The following MGAT4C variants were observed in gnomAD, a reference collection of about 807,000 sequenced individuals.
MGAT4C encodes the protein alpha-1,3-mannosyl-glycoprotein 4-beta-N-acetylglucosaminyltransferase C.
In MGAT4C, 19 loss-of-function variants were observed where a neutral mutation model predicts 40.1. The ratio of observed to expected loss-of-function variants is 0.47; its 90% CI spans 0.33 to 0.70. The LOEUF (loss-of-function observed/expected upper bound fraction) is 0.70. Ranked by LOEUF, MGAT4C falls within the 30% of genes least tolerant of loss-of-function variation. The pLI is 0.02. For missense variants in MGAT4C, 491 were observed against 563.2 expected, an observed-to-expected ratio of 0.87 and a Z score of 1.30; for synonymous variants, 181 against 187.1, an observed-to-expected ratio of 0.97 and a Z score of 0.27.
chr12:86,106,697 C>A (rs1352362392), intron 1 of MGAT4C, among the ~76,000 whole-genome samples: 1 of 151,612 alleles, frequency 6.6e-6, no homozygotes, highest in East Asian at 1.9e-4. Context: ...TGCCCTAATC[C>A]TTTAGTTATG....
chr12:86,717,801 A>G (rs1029919786), intron 2 of MGAT4C, among the ~76,000 whole-genome samples: 6 of 152,180 alleles, frequency 3.9e-5, no homozygotes, highest in African/African-American at 1.4e-4. Flanking sequence ...GGTAGCATGA[A>G]TATTTTGATG....
chr12:86,752,137 A>G (rs565917351), intron 1 of MGAT4C, among the ~76,000 whole-genome samples: 2 of 152,156 alleles, frequency 1.3e-5, no homozygotes, highest in East Asian at 3.9e-4. Context: ...TATTTTATAT[A>G]GAAAAGTTAT....
At chr12:86,386,132 G>A (rs1390911529) in intron 3 of MGAT4C, among the ~76,000 whole-genome samples, 3 of 151,914 alleles carry the variant, frequency 2.0e-5, no homozygotes, top group African/African-American at 7.3e-5. Flanking sequence ...GGGTTTCACT[G>A]TGTTAGCCAG....
At chr12:86,453,631 CTT>C (rs2136289184) in intron 2 of MGAT4C, among the ~76,000 whole-genome samples, 1 of 152,234 alleles carries the variant, frequency 6.6e-6, no homozygotes, top group African/African-American at 2.4e-5. Context: ...TATTTACACT[CTT>C]TGGCTTTTGT....
chr12:86,071,704 T>TA lies in MGAT4C; in HGVS notation c.-56-21982_-56-21981insT, dbSNP rs1185132446. On this transcript the variant is annotated intron_variant, in intron 1 of 4. Transcript: ENST00000611864. ...TAAATCATCTAATCATCTCAACAAT[T>TA]GTATGAGTTAGGAATTTTTATTATC... Among the ~76,000 whole-genome samples the TA allele has an allele frequency of 7.2e-5, 11 of 152,244 alleles. No homozygotes were observed. The East Asian group carries it at 1.5e-3, about 21-fold the overall frequency.
chr12:86,641,530 TA>T (rs998407326), intron 2 of MGAT4C, among the ~76,000 whole-genome samples: 1 of 150,988 alleles, frequency 6.6e-6, no homozygotes, highest in African/African-American at 2.4e-5. Flanking sequence ...AATAATAAAA[TA>T]AAAAAATAAA....
At chr12:86,159,689 T>C (rs1218280198) in intron 1 of MGAT4C, among the ~76,000 whole-genome samples, 2 of 152,110 alleles carry the variant, frequency 1.3e-5, no homozygotes, top group Non-Finnish European at 2.9e-5. Context: ...GGTTCTTTAT[T>C]ACTGATTCAG....
At chr12:86,774,001 T>G (rs1951686197) in intron 1 of MGAT4C, among the ~76,000 whole-genome samples, 1 of 125,238 alleles carries the variant, frequency 8.0e-6, no homozygotes, top group Non-Finnish European at 1.6e-5. Context: ...TCACCCAGGC[T>G]GGAATACACT....
chr12:86,795,752 G>C (rs541688396), intron 1 of MGAT4C, among the ~76,000 whole-genome samples: 1 of 152,014 alleles, frequency 6.6e-6, no homozygotes, highest in South Asian at 2.1e-4. Context: ...CCACAAACCT[G>C]TTCCAGGAAT....
intron 2 of MGAT4C, among the ~76,000 whole-genome samples, chr12:86,510,370 T>C (rs913447486): frequency 1.3e-5 from 2 of 152,092 alleles, no homozygotes; most frequent in Non-Finnish European, 2.9e-5. Context: ...AAACCGGTAC[T>C]AGCCACTGCA....
Position 86,225,966 on chromosome 12 carries a change from T to G in MGAT4C, c.-57+30273A>C, listed in dbSNP as rs928271544. Among the ~76,000 whole-genome samples the G allele has an allele frequency of 2.0e-5, 3 of 151,920 alleles. 1 individual carries two copies. The highest frequency in any genetic ancestry group is 7.2e-5 in the African/African-American group (3 of 41,486). ...AAAGCAATCAGGCAAGACAAAGAAA[T>G]AAAAAGCATCCAAATTGGAAAAGAA... On this transcript the variant is annotated intron_variant, in intron 1 of 4. Transcript: ENST00000611864.
chr12:86,147,255 T>G (rs1458837660), intron 1 of MGAT4C, among the ~76,000 whole-genome samples: 1 of 152,184 alleles, frequency 6.6e-6, no homozygotes, highest in Non-Finnish European at 1.5e-5. Flanking sequence ...AATTTTTTTT[T>G]TTTTGAGACG....
intron 2 of MGAT4C, among the ~76,000 whole-genome samples, chr12:86,436,727 T>C (rs1957144973): frequency 6.6e-6 from 1 of 151,752 alleles, no homozygotes; most frequent in East Asian, 1.9e-4. Flanking sequence ...TAAAAGAGGT[T>C]TGTGTGATTT....
At chr12:86,169,632 A>G (rs1886586505) in intron 1 of MGAT4C, among the ~76,000 whole-genome samples, 3 of 152,242 alleles carry the variant, frequency 2.0e-5, no homozygotes, top group African/African-American at 4.8e-5. Context: ...ACTCCCTACA[A>G]CCTAACAGAG....
chr12:86,452,611 T>C (rs1957443920), intron 2 of MGAT4C, among the ~76,000 whole-genome samples: 1 of 152,040 alleles, frequency 6.6e-6, no homozygotes, highest in African/African-American at 2.4e-5. Flanking sequence ...TTATTTTTCT[T>C]CTAGAATATT....
At chr12:86,367,349 T>C (rs1159433643) in intron 3 of MGAT4C, among the ~76,000 whole-genome samples, 1 of 152,004 alleles carries the variant, frequency 6.6e-6, no homozygotes, top group Admixed American at 6.6e-5. Context: ...TCCGCTAAGA[T>C]AGGAAAGCTA....
intron 1 of MGAT4C, among the ~76,000 whole-genome samples, chr12:86,800,722 G>A (rs932322945): frequency 2.0e-5 from 3 of 151,878 alleles, no homozygotes; most frequent in African/African-American, 7.2e-5. Context: ...CATTGTAAGA[G>A]AAAACAAATT....
chr12:86,827,647 C>T lies in MGAT4C; in HGVS notation c.-262+11019G>A, dbSNP rs566659736. Among the ~76,000 whole-genome samples, 18 of 151,370 alleles carry T rather than the reference C, an allele frequency of 1.2e-4. 1 individual carries two copies. In the East Asian group the frequency reaches 3.5e-3, roughly 30 times the overall value. On this transcript the variant is annotated intron_variant, in intron 1 of 7. Coordinates refer to the MGAT4C transcript ENST00000548651. ...AAGAAAAATGCCTTGGAAAGACATGCATTTATCATACTTAAACAAATAGAA... is the reference window on the plus strand; with the variant it reads ...AAGAAAAATGCCTTGGAAAGACATGTATTTATCATACTTAAACAAATAGAA...
At chr12:86,540,503 C>T (rs896638794) in intron 2 of MGAT4C, among the ~76,000 whole-genome samples, 18 of 152,006 alleles carry the variant, frequency 1.2e-4, no homozygotes, top group African/African-American at 4.1e-4. Context: ...TTTGTGAGGC[C>T]GAGACATGCA....
Sources: allele counts gnomAD v4.1 joint callset (sites outside exome capture counted in the v4.1 genomes callset), GRCh38; gene constraint gnomAD v4.1.1; transcripts MANE v1.5; gene names NCBI Gene and HGNC (gene_info 2026-07-23, HGNC 2026-07-21).